PSMF1: variants seen among roughly 807,000 people sequenced by gnomAD.
PSMF1 encodes proteasome inhibitor subunit 1.
PSMF1 carries 30 observed loss-of-function variants against 29.3 expected under a neutral mutation model. The ratio of observed to expected loss-of-function variants is 1.02; its 90% CI spans 0.77 to 1.39. PSMF1 has a LOEUF of 1.39. Among genes scored for constraint, PSMF1 ranks in the 40% most tolerant of loss-of-function variants. PSMF1 has a pLI of 0.00. For synonymous variants in PSMF1, 134 were observed against 139.7 expected (o/e 0.96, Z 0.29); for missense variants, 344 against 357.5 (o/e 0.96, Z 0.31).
In PSMF1 at chr20:1,164,290, G is replaced by C; in HGVS notation, c.606-28G>C. ...TCCAAGGGCAGTCCTTGCCACACCT[G>C]CTTACCTAACTTTTCTTCTTGCCTC... is the stretch of plus-strand genomic sequence containing the variant. On this transcript the variant is annotated intron_variant, in intron 5 of 6. Transcript: ENST00000335877. The surrounding 1 kb of genome is among the most constrained non-coding windows in gnomAD (Gnocchi z 4.1). 2 of 1,600,104 alleles carry C rather than the reference G, an allele frequency of 1.2e-6. No homozygotes were observed. Among genetic ancestry groups the C allele is most frequent in the Non-Finnish European group, 1.7e-6 (2 of 1,167,324 alleles).
At chr20:1,116,499 G>A (rs1404520088), upstream of PSMF1, among the ~76,000 whole-genome samples, 1 of 152,232 alleles carries the variant, frequency 6.6e-6, no homozygotes, top group Non-Finnish European at 1.5e-5. Context: ...ACAAAATTTG[G>A]AGAGGCACAG....
At position 1,168,043 on chromosome 20, in the gene PSMF1, A is replaced by G. The variant is rs936092881; in HGVS notation, c.*2963A>G. 1 of 152,242 alleles carries G rather than the reference A, an allele frequency of 6.6e-6. No individual in the cohort carries two copies. The highest frequency in any genetic ancestry group is 2.4e-5 in the African/African-American group (1 of 41,460). The allele number at this position is 152,242 out of a possible 1,614,324, so 9.4% of individuals were successfully genotyped here. ...ATGGCCATCCTAGTTAGCGTGAAGT[A>G]GCATCTCATTGTGGTCTTCTCTTCC... On this transcript the variant is annotated 3_prime_UTR_variant, in exon 7 of 7. Transcript: ENST00000335877.
chr20:1,119,031 C>A, intron 1 of PSMF1, 129 bp downstream of exon 1: 3 of 1,305,940 alleles, frequency 2.3e-6, no homozygotes, highest in Non-Finnish European at 3.1e-6. Context: ...CAGATGGCAG[C>A]GTTGGTAAAA....
At chr20:1,162,028 G>T (rs1198325299) in intron 4 of PSMF1, among the ~76,000 whole-genome samples, 1 of 152,160 alleles carries the variant, frequency 6.6e-6, no homozygotes, top group East Asian at 1.9e-4. Context: ...GGCTTGGGGG[G>T]TCTGTGTGGC....
chr20:1,129,237 C>G (rs990909238), intron 3 of PSMF1, among the ~76,000 whole-genome samples: 2 of 152,122 alleles, frequency 1.3e-5, no homozygotes, highest in African/African-American at 4.8e-5. Context: ...GTGTCGAACT[C>G]CTGACCTCAA....
At chr20:1,117,909 G>A (rs968153836), upstream of PSMF1, 2 of 152,258 alleles carry the variant, frequency 1.3e-5, no homozygotes, top group Non-Finnish European at 2.9e-5. Context: ...AAATTTGATA[G>A]TGGGTCAGGA....
intron 4 of PSMF1, among the ~76,000 whole-genome samples, chr20:1,149,182 G>A (rs1477651404): frequency 1.3e-5 from 2 of 152,156 alleles, no homozygotes; most frequent in Non-Finnish European, 2.9e-5. Context: ...GAAAAAAAGA[G>A]GACTAGTTTA....
intron 4 of PSMF1, among the ~76,000 whole-genome samples, chr20:1,142,395 T>C (rs974390309): frequency 6.6e-6 from 1 of 152,174 alleles, no homozygotes; most frequent in African/African-American, 2.4e-5. Flanking sequence ...ACATTAGGTA[T>C]TTCTCCTAAT....
rs922771584 is a variant in PSMF1 at position 1,164,202 on chromosome 20, T to C, written c.606-116T>C. ...CTCAGGCAGCCATCCACATGTCTGC[T>C]TGGGCCATCCAGAGTAGACATCCCA... On this transcript the variant is annotated intron_variant, in intron 5 of 6. Transcript: ENST00000335877. The surrounding 1 kb of genome is among the most constrained non-coding windows in gnomAD (Gnocchi z 4.1). 47 of 1,104,262 alleles carry C rather than the reference T, an allele frequency of 4.3e-5. No homozygotes were observed. Among genetic ancestry groups the C allele is most frequent in the Non-Finnish European group, 5.7e-5 (42 of 734,436 alleles). 68.4% of individuals were successfully genotyped at this position (1,104,262 alleles called of 1,614,324 possible).
In PSMF1 at chr20:1,171,183, C is replaced by T. The variant is rs866139220; in HGVS notation, c.*6103C>T. 6.6e-6 allele frequency among the ~76,000 whole-genome samples: 1 copy of T among 152,166 alleles called. No homozygotes were observed. The highest frequency in any genetic ancestry group is 1.5e-5 in the Non-Finnish European group (1 of 68,030). ...TCCTCAGTCAGTCCTATTTGCACAG[C>T]GTGCCTCATGCTCCTGAGTACCTCC... On this transcript the variant is annotated 3_prime_UTR_variant, in exon 7 of 7. Transcript: ENST00000335877.
Position 1,164,927 on chromosome 20 carries a change from C to T in PSMF1, c.765-102C>T. 9.6e-7 allele frequency: 1 copy of T among 1,038,890 alleles called. No homozygotes were observed. Among genetic ancestry groups the T allele is most frequent in the Non-Finnish European group, 1.5e-6 (1 of 668,424 alleles). 64.4% of individuals were successfully genotyped at this position (1,038,890 alleles called of 1,614,324 possible). ...TGTGTTTAAATTCCTCACACCGCCA[C>T]ATCATGTTGAAGGGCAGGCTCCCTC... On this transcript the variant is annotated intron_variant, in intron 6 of 6. Transcript: ENST00000335877. This position sits in a 1 kb window ranked among gnomAD's most constrained non-coding sequence, Gnocchi z 4.1.
chr20:1,118,649 G>C lies in PSMF1; in HGVS notation c.-125G>C. The C allele has an allele frequency of 8.0e-7, 1 of 1,250,280 alleles. No individual in the cohort carries two copies. The highest frequency in any genetic ancestry group is 1.1e-6 in the Non-Finnish European group (1 of 924,654). The allele number at this position is 1,250,280 out of a possible 1,614,324, so 77.4% of individuals were successfully genotyped here. On this transcript the variant is annotated 5_prime_UTR_variant, in exon 1 of 7. Coordinates refer to ENST00000335877, the MANE Select transcript of PSMF1 (RefSeq NM_006814.5). The stretch of plus-strand genomic sequence containing the variant: ...CCCGGGCGTCTCCATTTTGGTCTCA[G>C]GTGTGGACTCGGCAAGAACCAGCGC...
intron 4 of PSMF1, among the ~76,000 whole-genome samples, chr20:1,142,296 T>A (rs1281493695): frequency 3.3e-5 from 5 of 152,130 alleles, no homozygotes; most frequent in African/African-American, 1.2e-4. Context: ...ATACTTCAAG[T>A]TTTAGGGTAC....
At chr20:1,129,119 T>A (rs1387217387) in intron 3 of PSMF1, among the ~76,000 whole-genome samples, 10 of 152,074 alleles carry the variant, frequency 6.6e-5, no homozygotes, top group Non-Finnish European at 2.9e-5. Context: ...GACCTCGTGA[T>A]CCACCTGCCT....
intron 1 of PSMF1, among the ~76,000 whole-genome samples, chr20:1,125,248 A>G (rs2086139523): frequency 6.6e-6 from 1 of 152,174 alleles, no homozygotes; most frequent in South Asian, 2.1e-4. Flanking sequence ...AACACTGCAG[A>G]TTCTTGACAG....
chr20:1,116,651 G>A (rs190801200), upstream of PSMF1, among the ~76,000 whole-genome samples: 3 of 152,290 alleles, frequency 2.0e-5, no homozygotes, highest in Admixed American at 1.3e-4. Flanking sequence ...AGGCACTCAG[G>A]TACATATGTG....
chr20:1,123,669 C>T (rs1395837389), intron 1 of PSMF1, among the ~76,000 whole-genome samples: 2 of 152,054 alleles, frequency 1.3e-5, no homozygotes, highest in African/African-American at 4.8e-5. Context: ...AATGAAGATC[C>T]TTTGTTATGT....
At chr20:1,148,816 T>C (rs1407551252) in intron 4 of PSMF1, among the ~76,000 whole-genome samples, 3 of 152,176 alleles carry the variant, frequency 2.0e-5, no homozygotes, top group African/African-American at 7.2e-5. Context: ...TCAAACTTTA[T>C]GTTCTCAGGA....
At chr20:1,125,427 TC>T in intron 1 of PSMF1, 70 bp from the exon 2 acceptor site, 1 of 1,464,932 alleles carries the variant, frequency 6.8e-7, no homozygotes, top group Non-Finnish European at 9.1e-7. Flanking sequence ...GATTAGCTTA[TC>T]TCGTGAGGTT....
Sources: gnomAD v4.1 joint callset for allele counts (sites outside exome capture counted in the v4.1 genomes callset) on GRCh38, gnomAD v4.1.1 for gene constraint, Gnocchi (gnomAD v3.1) non-coding constraint, MANE v1.5 for transcripts, NCBI Gene and HGNC (gene_info 2026-07-23, HGNC 2026-07-21) for gene names.